Variants in TFB1M observed in about 807,000 individuals in gnomAD.
TFB1M encodes transcription factor B1, mitochondrial.
TFB1M carries 27 observed loss-of-function variants against 31.1 expected under a neutral mutation model. The ratio of observed to expected loss-of-function variants is 0.87; its 90% CI spans 0.64 to 1.20. The LOEUF (loss-of-function observed/expected upper bound fraction) is 1.20, where lower values mean the gene tolerates loss of function less well. Among genes scored for constraint, TFB1M ranks in the 50% most tolerant of loss-of-function variants. The probability of loss-of-function intolerance (pLI) is 0.00; values close to 1 mark genes in which losing one functional copy is unlikely to be tolerated. For synonymous variants in TFB1M, 166 were observed against 151.8 expected (o/e 1.09, Z -0.69); for missense variants, 394 against 418.7 (o/e 0.94, Z 0.51).
the TFB1M span, among the ~76,000 whole-genome samples, chr6:155,233,387 T>C: frequency 6.6e-6 from 1 of 152,028 alleles, no homozygotes; most frequent in Admixed American, 6.6e-5. Context: ...AGAAGGTTCA[T>C]CTGAGTGACT....
chr6:155,248,264 C>A, the TFB1M span: 6 of 1,450,346 alleles, frequency 4.1e-6, no homozygotes, highest in Non-Finnish European at 5.5e-6. Context: ...GACAGCTCAC[C>A]TCTTCCCCGC....
At chr6:155,285,657 T>A (rs1352253074) in intron 4 of TFB1M, among the ~76,000 whole-genome samples, 1 of 152,236 alleles carries the variant, frequency 6.6e-6, no homozygotes, top group Non-Finnish European at 1.5e-5. Flanking sequence ...GCTTAAACAC[T>A]TAATTTTCTG....
chr6:155,236,108 C>A, the TFB1M span, among the ~76,000 whole-genome samples: 1 of 151,952 alleles, frequency 6.6e-6, no homozygotes, highest in South Asian at 2.1e-4. Context: ...TCTTGGAGTC[C>A]GAGTATTATC....
intron 4 of TFB1M, among the ~76,000 whole-genome samples, chr6:155,289,386 C>A (rs925639286): frequency 6.6e-6 from 1 of 152,162 alleles, no homozygotes; most frequent in Non-Finnish European, 1.5e-5. Flanking sequence ...TACTCCATGA[C>A]CTTCTGGAAG....
chr6:155,260,582 T>C, intron 5 of TFB1M, 182 bp from the exon 6 acceptor site: 3 of 734,204 alleles, frequency 4.1e-6, no homozygotes, highest in Non-Finnish European at 7.0e-6. Context: ...GATTCGCAAA[T>C]GACATGGAGA....
Position 155,256,533 on chromosome 6 carries a change from G to A in TFB1M, c.*1303C>T. On this transcript the variant is annotated 3_prime_UTR_variant, in exon 7 of 7. Transcript: ENST00000367166. The stretch of plus-strand genomic sequence containing the variant: ...TGAAGAATTCCTCCAGCAACGAGTG[G>A]ACCGGTGAGACTGGCAAGGGAACCT... The A allele has an allele frequency of 6.2e-7, 1 of 1,614,174 alleles. No homozygotes were observed. Among genetic ancestry groups the A allele is most frequent in the Non-Finnish European group, 8.5e-7 (1 of 1,180,034 alleles).
the TFB1M span, chr6:155,232,717 G>A: frequency 8.9e-6 from 1 of 112,024 alleles, no homozygotes; most frequent in Non-Finnish European, 2.1e-5. Flanking sequence ...GAGGGAGAGG[G>A]ATCTCCCGCC....
At chr6:155,300,890 TGCTCCTGG>T (rs1777397592) in intron 2 of TFB1M, among the ~76,000 whole-genome samples, 1 of 152,156 alleles carries the variant, frequency 6.6e-6, no homozygotes, top group African/African-American at 2.4e-5. Context: ...CTGCAACCTC[TGCTCCTGG>T]GATTCAGGCA....
intron 4 of TFB1M, among the ~76,000 whole-genome samples, chr6:155,292,732 A>G (rs1216888780): frequency 6.6e-6 from 1 of 152,192 alleles, no homozygotes; most frequent in East Asian, 1.9e-4. Flanking sequence ...AGAAACAGAA[A>G]AATGCAACCT....
In TFB1M at chr6:155,314,468, A is replaced by T. The variant is rs1305361939; in HGVS notation, c.-40T>A. 6.2e-7 allele frequency: 1 copy of T among 1,611,426 alleles called. No individual in the cohort carries two copies. ...ACCATCCAACCCTACCTCACCCAGGACCTTCACCGCCGCTCCGAAAGAAAC... is the reference window on the plus strand; with the variant it reads ...ACCATCCAACCCTACCTCACCCAGGTCCTTCACCGCCGCTCCGAAAGAAAC... On this transcript the variant is annotated 5_prime_UTR_variant, in exon 1 of 7. Transcript: ENST00000367166.
intron 2 of TFB1M, among the ~76,000 whole-genome samples, chr6:155,307,473 C>G (rs1777832039): frequency 6.6e-6 from 1 of 152,050 alleles, no homozygotes; most frequent in Non-Finnish European, 1.5e-5. Context: ...ACCATCAGAT[C>G]TTGTGAGACC....
In TFB1M at chr6:155,257,080, G is replaced by A. The variant is rs941498743; in HGVS notation, c.*756C>T. 4 of 1,612,906 alleles carry A rather than the reference G, an allele frequency of 2.5e-6. No homozygotes were observed. Among genetic ancestry groups the A allele is most frequent in the Non-Finnish European group, 3.4e-6 (4 of 1,179,520 alleles). Reference sequence around the variant, plus strand: ...CCAGAGTTTAACATCTGTTGTCAGTGAGGAGTGTTTTTATGAAACAGAGAG... The same window carrying A: ...CCAGAGTTTAACATCTGTTGTCAGTAAGGAGTGTTTTTATGAAACAGAGAG... On this transcript the variant is annotated 3_prime_UTR_variant, in exon 7 of 7. Transcript: ENST00000367166.
downstream of TFB1M, chr6:155,251,934 C>A (rs746006844): frequency 6.3e-7 from 1 of 1,595,510 alleles, no homozygotes; most frequent in Non-Finnish European, 8.6e-7. Context: ...TTTCTCTTTT[C>A]CTTTCTTTAG....
rs753223589 is a variant in TFB1M, at chr6:155,276,112, T to C, written c.666+9046A>G. 1.2e-5 allele frequency: 19 copies of C among 1,614,006 alleles called. No homozygotes were observed. In the South Asian group the frequency reaches 1.5e-4, roughly 13 times the overall value. On this transcript the variant is annotated intron_variant, in intron 5 of 6. Coordinates refer to ENST00000367166, the MANE Select transcript of TFB1M (RefSeq NM_016020.4). ...TCTGTTTCATGTCTGCAGGAATCTC[T>C]AGTTTAATCTCGACAGTGTGGTACA...
In TFB1M at chr6:155,258,076, T is replaced by TAAC; in HGVS notation, c.798_800dup (p.Leu267dup). On this transcript the variant is annotated inframe_insertion, in exon 7 of 7. Coordinates refer to ENST00000367166, the MANE Select transcript of TFB1M (RefSeq NM_016020.4). ...TTTCCAAGCGCTGCGCTTCAGGGAA[T>TAAC]AACATTCTGAGGGGAAGACAGACAG... 2 of 1,614,178 alleles carry TAAC rather than the reference T, an allele frequency of 1.2e-6. No homozygotes were observed. The highest frequency in any genetic ancestry group is 1.7e-6 in the Non-Finnish European group (2 of 1,180,026).
At chr6:155,294,876 C>G (rs906770639) in intron 4 of TFB1M, among the ~76,000 whole-genome samples, 6 of 152,062 alleles carry the variant, frequency 3.9e-5, no homozygotes, top group Non-Finnish European at 7.4e-5. Context: ...AAAAACAGAA[C>G]GATGAAACTA....
the TFB1M span, among the ~76,000 whole-genome samples, chr6:155,243,197 T>C: frequency 6.6e-6 from 1 of 152,190 alleles, no homozygotes; most frequent in African/African-American, 2.4e-5. Context: ...GAGTTTTTTA[T>C]TGCCTTTGAA....
intron 5 of TFB1M, among the ~76,000 whole-genome samples, chr6:155,266,459 C>T (rs971742319): frequency 2.0e-5 from 3 of 152,110 alleles, no homozygotes; most frequent in Non-Finnish European, 2.9e-5. Context: ...CCCTGTGACA[C>T]CCACAAAGCC....
At chr6:155,309,244 CT>C (rs1777914881) in intron 2 of TFB1M, among the ~76,000 whole-genome samples, 1 of 152,104 alleles carries the variant, frequency 6.6e-6, no homozygotes, top group African/African-American at 2.4e-5. Context: ...TAGTGGTCAA[CT>C]TTTTTGTTTC....
Sources: gnomAD v4.1 joint callset for allele counts (sites outside exome capture counted in the v4.1 genomes callset) on GRCh38, gnomAD v4.1.1 for gene constraint, MANE v1.5 for transcripts, NCBI Gene and HGNC (gene_info 2026-07-23, HGNC 2026-07-21) for gene names.